The following MCTP2 variants were observed in gnomAD, a reference collection of about 807,000 sequenced individuals.
MCTP2 encodes multiple C2 and transmembrane domain-containing protein 2.
MCTP2 carries 132 observed loss-of-function variants against 111.6 expected under a neutral mutation model. That is an observed-to-expected ratio of 1.18 (90% CI 1.03 to 1.37). The LOEUF (loss-of-function observed/expected upper bound fraction) is 1.37. Among genes scored for constraint, MCTP2 ranks in the 40% most tolerant of loss-of-function variants. The probability of loss-of-function intolerance (pLI) is 0.00; values close to 1 mark genes in which losing one functional copy is unlikely to be tolerated. For synonymous variants in MCTP2, 395 were observed against 387.7 expected, an observed-to-expected ratio of 1.02 and a Z score of -0.22; for missense variants, 1,183 against 1,067.9, an observed-to-expected ratio of 1.11 and a Z score of -1.50.
intron 1 of MCTP2, among the ~76,000 whole-genome samples, chr15:94,297,586 A>C (rs1164348742): frequency 6.6e-6 from 1 of 152,086 alleles, no homozygotes; most frequent in East Asian, 1.9e-4. Flanking sequence ...TCTGGGAAGG[A>C]AGTTGACATG....
At chr15:94,333,472 T>A (rs1454390249) in intron 4 of MCTP2, among the ~76,000 whole-genome samples, 2 of 152,170 alleles carry the variant, frequency 1.3e-5, no homozygotes, top group Admixed American at 6.5e-5. Flanking sequence ...AAGTTGTTTG[T>A]AATTAGAGCT....
intron 1 of MCTP2, among the ~76,000 whole-genome samples, chr15:94,253,629 A>C (rs2072583493): frequency 6.6e-6 from 1 of 151,874 alleles, no homozygotes; most frequent in East Asian, 1.9e-4. Context: ...CTCCTACTGT[A>C]CTCTGAGTGC....
Position 94,306,730 on chromosome 15 carries a change from C to G in MCTP2, c.466-7552C>G, listed in dbSNP as rs148528137. Among the ~76,000 whole-genome samples, 519 of 152,344 alleles carry G rather than the reference C, an allele frequency of 3.4e-3. 2 individuals carry two copies. The highest frequency in any genetic ancestry group is 0.011 in the African/African-American group (462 of 41,578). Reference sequence around the variant, plus strand: ...CACAATGGGGTATGTCCTTCCCTGACATTTCATTTGGCAGTTGGAGTTGTG... The same window carrying G: ...CACAATGGGGTATGTCCTTCCCTGAGATTTCATTTGGCAGTTGGAGTTGTG... On this transcript the variant is annotated intron_variant, in intron 2 of 22. Transcript: ENST00000357742.
chr15:94,382,676 A>G (rs1306215812), intron 12 of MCTP2, among the ~76,000 whole-genome samples: 2 of 152,248 alleles, frequency 1.3e-5, no homozygotes, highest in Admixed American at 1.3e-4. Flanking sequence ...AGTGACCCGA[A>G]TGGTAGGCCA....
In MCTP2 at chr15:94,263,848, G is replaced by A. The variant is rs576547167; in HGVS notation, c.-66+32184G>A. 2.0e-5 allele frequency among the ~76,000 whole-genome samples: 3 copies of A among 152,344 alleles called. No individual in the cohort carries two copies. In the East Asian group the frequency reaches 5.8e-4, roughly 29 times the overall value. On this transcript the variant is annotated intron_variant, in intron 1 of 22. Coordinates refer to ENST00000357742, the MANE Select transcript of MCTP2 (RefSeq NM_001385001.1). ...TGGGGTTATAAAGAAACTTTAGCGA[G>A]TATACCAGTTCACAAATGAGAATCA...
At chr15:94,379,808 T>TTATATATGATATGTAATATATAATTA (rs201008582) in intron 12 of MCTP2, among the ~76,000 whole-genome samples, 20 of 144,748 alleles carry the variant, frequency 1.4e-4, no homozygotes, top group African/African-American at 5.1e-4. Flanking sequence ...TAATATATAA[T>TTATATATGATATGTAATATATAATTA]TATATGACAT....
intron 21 of MCTP2, among the ~76,000 whole-genome samples, chr15:94,473,479 T>A (rs1380011998): frequency 6.6e-6 from 1 of 152,238 alleles, no homozygotes; most frequent in Non-Finnish European, 1.5e-5. Context: ...CATTATCTAC[T>A]GCATTTTAGT....
intron 1 of MCTP2, among the ~76,000 whole-genome samples, chr15:94,285,296 G>A (rs999105888): frequency 9.9e-5 from 15 of 152,050 alleles, no homozygotes; most frequent in East Asian, 7.7e-4. Flanking sequence ...TACCTAACAT[G>A]TGCTCAAATT....
intron 19 of MCTP2, among the ~76,000 whole-genome samples, chr15:94,447,496 G>T (rs1403059149): frequency 2.0e-5 from 3 of 152,176 alleles, no homozygotes; most frequent in Non-Finnish European, 2.9e-5. Context: ...CCAAGTTCAA[G>T]TGATTCTCGT....
intron 21 of MCTP2, among the ~76,000 whole-genome samples, chr15:94,474,858 A>T (rs1567794137): frequency 9.5e-6 from 1 of 104,792 alleles, no homozygotes; most frequent in East Asian, 2.7e-4. Flanking sequence ...TTTTATCCTA[A>T]GTTTTTTTTT....
Position 94,386,223 on chromosome 15 carries a change from T to C in MCTP2, c.1788+698T>C, listed in dbSNP as rs145644582. Among the ~76,000 whole-genome samples the C allele has an allele frequency of 2.6e-4, 40 of 152,310 alleles. No individual in the cohort carries two copies. In the East Asian group the frequency reaches 7.7e-3, roughly 29 times the overall value. On this transcript the variant is annotated intron_variant, in intron 14 of 22. Coordinates refer to ENST00000357742, the MANE Select transcript of MCTP2 (RefSeq NM_001385001.1). The stretch of plus-strand genomic sequence containing the variant: ...CATCTCTTAATTAGACAGTGATATA[T>C]GTACCAAACATACTCTTTGAGAAGA...
intron 4 of MCTP2, among the ~76,000 whole-genome samples, chr15:94,324,242 C>G (rs1410192295): frequency 6.6e-6 from 1 of 152,204 alleles, no homozygotes; most frequent in Non-Finnish European, 1.5e-5. Flanking sequence ...ATGGGCAGGT[C>G]TCTCGTCCTG....
chr15:94,466,786 ATTTTT>A (rs999436132), intron 20 of MCTP2, among the ~76,000 whole-genome samples: 6 of 151,880 alleles, frequency 4.0e-5, no homozygotes, highest in African/African-American at 1.5e-4. Flanking sequence ...AGTGTATTAT[ATTTTT>A]ATTTTCATGT....
chr15:94,337,873 TA>T lies in MCTP2; in HGVS notation c.638-1416del, dbSNP rs1351955869. The stretch of plus-strand genomic sequence containing the variant: ...AGGCTGACTTCTCAAAATCATGCCT[TA>T]CTTAATCTAGTAAGGCTTTTAAACC... On this transcript the variant is annotated intron_variant, in intron 4 of 22. Transcript: ENST00000357742. Among the ~76,000 whole-genome samples, 29 of 152,346 alleles carry T rather than the reference TA, an allele frequency of 1.9e-4. No homozygotes were observed. In the East Asian group the frequency reaches 5.6e-3, roughly 29 times the overall value.
At chr15:94,322,663 A>G in intron 4 of MCTP2, among the ~76,000 whole-genome samples, 1 of 152,226 alleles carries the variant, frequency 6.6e-6, no homozygotes, top group Non-Finnish European at 1.5e-5. Context: ...AAACATCTAC[A>G]ACAAAGATGG....
intron 1 of MCTP2, among the ~76,000 whole-genome samples, chr15:94,268,195 T>C (rs1389415605): frequency 1.4e-5 from 2 of 148,086 alleles, no homozygotes; most frequent in Non-Finnish European, 3.0e-5. Context: ...TTTTTTTTTT[T>C]TTTGAGACAG....
Position 94,246,022 on chromosome 15 carries a change from G to C in MCTP2, c.-66+14358G>C, listed in dbSNP as rs2071975139. ...GGCAGATGAGGTCTGTGTAGGCTGA[G>C]AGTGGGGAGGAAAAATGTGACTTGA... On this transcript the variant is annotated intron_variant, in intron 1 of 22. Transcript: ENST00000357742. Among the ~76,000 whole-genome samples, 2 of 152,096 alleles carry C rather than the reference G, an allele frequency of 1.3e-5. 1 individual carries two copies. Among genetic ancestry groups the C allele is most frequent in the South Asian group, 4.1e-4 (2 of 4,830 alleles).
intron 14 of MCTP2, among the ~76,000 whole-genome samples, chr15:94,392,151 C>T (rs2081016718): frequency 1.3e-5 from 2 of 151,942 alleles, no homozygotes; most frequent in African/African-American, 2.4e-5. Context: ...GTGGGCGGAT[C>T]ACGAGGTTAG....
chr15:94,414,669 C>T (rs780690511), intron 17 of MCTP2, among the ~76,000 whole-genome samples: 8 of 151,922 alleles, frequency 5.3e-5, no homozygotes, highest in Non-Finnish European at 1.0e-4. Flanking sequence ...TTTGATTTTC[C>T]CCCTTTGCTT....
Sources: allele counts gnomAD v4.1 joint callset (sites outside exome capture counted in the v4.1 genomes callset), GRCh38; gene constraint gnomAD v4.1.1; transcripts MANE v1.5; gene names NCBI Gene and HGNC (gene_info 2026-07-23, HGNC 2026-07-21).